The following MTREX variants were observed in gnomAD, a reference collection of about 807,000 sequenced individuals.
MTREX encodes the protein exosome RNA helicase MTR4.
In MTREX, 76 loss-of-function variants were observed where a neutral mutation model predicts 135.4. The ratio of observed to expected loss-of-function variants is 0.56; its 90% CI spans 0.47 to 0.68. MTREX has a LOEUF of 0.68. Ranked by LOEUF, MTREX falls within the 30% of genes least tolerant of loss-of-function variation. The probability of loss-of-function intolerance (pLI) is 0.00; values close to 1 mark genes in which losing one functional copy is unlikely to be tolerated. For synonymous variants in MTREX, 404 were observed against 401.6 expected, an observed-to-expected ratio of 1.01 and a Z score of -0.07; for missense variants, 920 against 1,262.1, an observed-to-expected ratio of 0.73 and a Z score of 4.11.
intron 21 of MTREX, among the ~76,000 whole-genome samples, chr5:55,401,966 A>G (rs1003043818): frequency 1.3e-5 from 2 of 152,162 alleles, no homozygotes; most frequent in Non-Finnish European, 2.9e-5. Context: ...CACAAACTAG[A>G]TTTTAAGCTC....
chr5:55,334,057 T>C (rs909737433), intron 5 of MTREX, among the ~76,000 whole-genome samples: 4 of 152,128 alleles, frequency 2.6e-5, no homozygotes, highest in African/African-American at 9.7e-5. Context: ...TTATGCGTAC[T>C]AAAAGAAGTT....
chr5:55,365,046 C>T (rs1750078630), intron 15 of MTREX, among the ~76,000 whole-genome samples: 1 of 152,136 alleles, frequency 6.6e-6, no homozygotes, highest in African/African-American at 2.4e-5. Flanking sequence ...GGTAGAATGT[C>T]AAAAAGCCAT....
chr5:55,382,605 T>G (rs1579883719), intron 18 of MTREX, among the ~76,000 whole-genome samples: 1 of 152,164 alleles, frequency 6.6e-6, no homozygotes, highest in East Asian at 1.9e-4. Flanking sequence ...TTTATTACTT[T>G]TTGAAAATCA....
intron 3 of MTREX, among the ~76,000 whole-genome samples, chr5:55,325,054 A>G (rs17648526): frequency 0.19 from 28,439 of 152,088 alleles, 2,732 homozygotes; most frequent in Admixed American, 0.19. Flanking sequence ...GTGAGAATTT[A>G]TACACATTAG....
chr5:55,424,899 C>A lies in MTREX; in HGVS notation c.*127C>A. 1 of 683,316 alleles carries A rather than the reference C, an allele frequency of 1.5e-6. No individual in the cohort carries two copies. Among genetic ancestry groups the A allele is most frequent in the South Asian group, 2.0e-5 (1 of 50,270 alleles). The allele number at this position is 683,316 out of a possible 1,614,324, so 42.3% of individuals were successfully genotyped here. ...TAATATGTATTATATTTAAATCAAA[C>A]ATCATTCATAGAAAGCATATTACAT... On this transcript the variant is annotated 3_prime_UTR_variant, in exon 27 of 27. Coordinates refer to ENST00000230640, the MANE Select transcript of MTREX (RefSeq NM_015360.5).
rs1175754496 is a variant in MTREX, at chr5:55,329,597, G to GT, written c.515+788dup. 5.4e-3 allele frequency among the ~76,000 whole-genome samples: 823 copies of GT among 152,250 alleles called. 3 individuals are homozygous for GT. Among genetic ancestry groups the GT allele is most frequent in the African/African-American group, 0.019 (793 of 41,560 alleles). ...GCCTTTAGCAGTTTATTGTAGTGCA[G>GT]TTCTACTGATGAGAAAATCTTAACT... On this transcript the variant is annotated intron_variant, in intron 5 of 26. Transcript: ENST00000230640.
chr5:55,365,264 T>C (rs1260823972), intron 15 of MTREX, among the ~76,000 whole-genome samples: 2 of 152,210 alleles, frequency 1.3e-5, no homozygotes, highest in African/African-American at 4.8e-5. Flanking sequence ...TTAATCTCTC[T>C]TTTCTCCAAG....
chr5:55,391,730 T>C (rs80065157), intron 19 of MTREX, among the ~76,000 whole-genome samples: 2,675 of 152,302 alleles, frequency 0.018, 29 homozygotes, highest in Middle Eastern at 0.048. Flanking sequence ...AAACTTCTCC[T>C]TAACCAATTA....
chr5:55,344,761 A>AT (rs1386861990), intron 9 of MTREX, 141 bp downstream of exon 9: 7 of 579,192 alleles, frequency 1.2e-5, no homozygotes, highest in Admixed American at 3.7e-5. Flanking sequence ...ATCGATCTTG[A>AT]TTTTTTTGTG....
In MTREX at chr5:55,394,964, C is replaced by T. The variant is rs143697072; in HGVS notation, c.2182-2452C>T. On this transcript the variant is annotated intron_variant, in intron 19 of 26. Transcript: ENST00000230640. ...AGTTGAATCACTTGAACCCAGGAGG[C>T]GGAGATTGCAGTGAACCGAGATCGC... Among the ~76,000 whole-genome samples the T allele has an allele frequency of 4.6e-3, 691 of 150,306 alleles. 1 individual carries two copies. The highest frequency in any genetic ancestry group is 7.6e-3 in the Non-Finnish European group (515 of 67,612).
chr5:55,394,516 A>G (rs1318870392), intron 19 of MTREX, among the ~76,000 whole-genome samples: 1 of 152,132 alleles, frequency 6.6e-6, no homozygotes, highest in African/African-American at 2.4e-5. Context: ...CAGACCTTAG[A>G]TTCTCATAAC....
chr5:55,365,819 G>A (rs551200814), intron 15 of MTREX, among the ~76,000 whole-genome samples: 74 of 152,034 alleles, frequency 4.9e-4, no homozygotes, highest in East Asian at 1.9e-4. Flanking sequence ...GTGAAATCCC[G>A]TCTCTACTAA....
intron 18 of MTREX, among the ~76,000 whole-genome samples, chr5:55,380,789 G>A (rs934059210): frequency 6.6e-6 from 1 of 152,058 alleles, no homozygotes; most frequent in Non-Finnish European, 1.5e-5. Context: ...TCTTTGTTTG[G>A]GTTTGGTATT....
At chr5:55,342,847 T>TTTTCCG (rs1172379921) in intron 7 of MTREX, among the ~76,000 whole-genome samples, 3 of 152,190 alleles carry the variant, frequency 2.0e-5, no homozygotes, top group African/African-American at 7.2e-5. Flanking sequence ...CTGTCAAACT[T>TTTTCCG]TTTCCGTTTT....
chr5:55,337,955 C>A (rs528568196), intron 5 of MTREX, among the ~76,000 whole-genome samples: 35 of 152,120 alleles, frequency 2.3e-4, no homozygotes, highest in African/African-American at 8.2e-4. Context: ...ATCACAGTCA[C>A]AATTTATGGA....
Position 55,349,653 on chromosome 5 carries a change from G to C in MTREX, c.1320+1G>C. ...CGATGAAGATAAAAAACTCCCTCAG[G>C]TGAGTTTTCAGTATCAGTAGATAAA... On this transcript the variant is annotated splice_donor_variant, in intron 12 of 26. Coordinates refer to ENST00000230640, the MANE Select transcript of MTREX (RefSeq NM_015360.5). LOFTEE classifies it high-confidence loss of function. 6.5e-7 allele frequency: 1 copy of C among 1,536,632 alleles called. No homozygotes were observed. Among genetic ancestry groups the C allele is most frequent in the Non-Finnish European group, 9.0e-7 (1 of 1,110,590 alleles).
intron 11 of MTREX, 147 bp downstream of exon 11, chr5:55,347,291 T>A: frequency 1.4e-6 from 1 of 691,134 alleles, no homozygotes; most frequent in South Asian, 2.3e-5. Flanking sequence ...GTAAAAGCTT[T>A]AAAGGCCTTT....
intron 1 of MTREX, among the ~76,000 whole-genome samples, chr5:55,310,251 C>A (rs748172171): frequency 6.6e-6 from 1 of 152,144 alleles, no homozygotes; most frequent in African/African-American, 2.4e-5. Flanking sequence ...CACAGGAGAA[C>A]GTTAGTAGCT....
chr5:55,386,834 A>G (rs1026114200), intron 18 of MTREX, among the ~76,000 whole-genome samples: 1 of 152,072 alleles, frequency 6.6e-6, no homozygotes, highest in Non-Finnish European at 1.5e-5. Flanking sequence ...TGTGTTATGC[A>G]TCTTATTCAG....
Sources: allele counts gnomAD v4.1 joint callset (sites outside exome capture counted in the v4.1 genomes callset), GRCh38; gene constraint gnomAD v4.1.1; transcripts MANE v1.5; gene names NCBI Gene and HGNC (gene_info 2026-07-23, HGNC 2026-07-21).